Variants in DCP1B observed in about 807,000 individuals in gnomAD.
DCP1B encodes decapping mRNA 1B.
A neutral mutation model predicts 60.5 loss-of-function variants in DCP1B; 47 were observed. That is an observed-to-expected ratio of 0.78 (90% CI 0.61 to 0.99). DCP1B has a LOEUF of 0.99. Among genes scored for constraint, DCP1B ranks in the 50% least tolerant of loss-of-function variants. The pLI is 0.00. For missense variants in DCP1B, 725 were observed against 756.8 expected (o/e 0.96, Z 0.49); for synonymous variants, 267 against 280.3 (o/e 0.95, Z 0.47).
At position 1,996,652 on chromosome 12, in the gene DCP1B, A is replaced by C. The variant is rs558224984; in HGVS notation, c.191+1283T>G. On this transcript the variant is annotated intron_variant, in intron 2 of 8. Transcript: ENST00000280665. ...AAAAAAAAAAAAAAAAAAAAAAAAA[A>C]AAACAACAAACTCTTCTAATGTTTT... Among the ~76,000 whole-genome samples, 13 of 38,932 alleles carry C rather than the reference A, an allele frequency of 3.3e-4. 1 individual carries two copies. The highest frequency in any genetic ancestry group is 1.9e-3 in the African/African-American group (12 of 6,372). The allele number at this position is 38,932 out of a possible 152,430, so 25.5% of individuals were successfully genotyped here.
At chr12:1,991,212 A>G (rs1397705083) in intron 3 of DCP1B, 5 of 456,050 alleles carry the variant, frequency 1.1e-5, no homozygotes, top group Non-Finnish European at 2.2e-5. Flanking sequence ...GTTTTTACAC[A>G]GTCTGCCTCC....
Position 1,952,426 on chromosome 12 carries a change from G to C in DCP1B, c.1514C>G (p.Pro505Arg). The C allele has an allele frequency of 6.3e-7, 1 of 1,580,242 alleles. No homozygotes were observed. The highest frequency in any genetic ancestry group is 1.1e-5 in the South Asian group (1 of 87,774). The change falls in exon 7 of 9, where the codon CCT (proline) becomes CGT (arginine). Residue 505 changes from proline to arginine, a missense_variant. Coordinates refer to ENST00000280665, the MANE Select transcript of DCP1B (RefSeq NM_152640.5). ...CTGGTACATATTTACCTGGAAAAGAGGAGTCTGCTGTTCTGTGTTGGGTGT... is the reference window on the plus strand; with the variant it reads ...CTGGTACATATTTACCTGGAAAAGACGAGTCTGCTGTTCTGTGTTGGGTGT... ...NKTPNTEQQT[P>R]LFQVISPQRI...
chr12:1,997,310 C>T (rs745609171), intron 2 of DCP1B, among the ~76,000 whole-genome samples: 7 of 152,130 alleles, frequency 4.6e-5, no homozygotes, highest in Middle Eastern at 3.2e-3. Flanking sequence ...GGGTGGATCA[C>T]GAGGTCAGGA....
intron 5 of DCP1B, among the ~76,000 whole-genome samples, chr12:1,964,492 T>C (rs947434837): frequency 1.3e-5 from 2 of 152,212 alleles, no homozygotes; most frequent in African/African-American, 4.8e-5. Context: ...AATTGAAAGA[T>C]TTCTCTTTTC....
intron 5 of DCP1B, among the ~76,000 whole-genome samples, chr12:1,963,554 A>G (rs1161098686): frequency 6.6e-6 from 1 of 152,210 alleles, no homozygotes; most frequent in Non-Finnish European, 1.5e-5. Context: ...TCTCTTTCTC[A>G]TTACCAGGAA....
intron 7 of DCP1B, 28 bp from the exon 8 acceptor site, chr12:1,949,362 C>G (rs750093331): frequency 6.2e-7 from 1 of 1,607,328 alleles, no homozygotes; most frequent in Non-Finnish European, 8.5e-7. Context: ...ACACAGAGAG[C>G]GGGGTTCAGG....
intron 8 of DCP1B, among the ~76,000 whole-genome samples, chr12:1,946,629 T>C (rs772699357): frequency 1.3e-5 from 2 of 152,174 alleles, no homozygotes; most frequent in Non-Finnish European, 2.9e-5. Flanking sequence ...ACAGAGGAGT[T>C]AGGAGGACAT....
rs2030842956 is a variant in DCP1B, at chr12:1,955,309, T to C, written c.651+123A>G. The C allele has an allele frequency of 2.5e-6, 3 of 1,182,446 alleles. No individual in the cohort carries two copies. The East Asian group carries it at 7.7e-5, about 30-fold the overall frequency. 73.2% of individuals were successfully genotyped at this position (1,182,446 alleles called of 1,614,324 possible). A position where few individuals can be genotyped will look rare whatever the true frequency, so the allele number is the denominator to read the frequency against. ...AAAAATCTGTATTCTGAAATCCCGC[T>C]TTCTTGGGTTTACCTGAAAGCATTC... On this transcript the variant is annotated intron_variant, in intron 6 of 8. Coordinates refer to ENST00000280665, the MANE Select transcript of DCP1B (RefSeq NM_152640.5).
chr12:1,942,354 G>A (rs1032228660), downstream of DCP1B, among the ~76,000 whole-genome samples: 4 of 152,010 alleles, frequency 2.6e-5, no homozygotes, highest in Non-Finnish European at 4.4e-5. Flanking sequence ...AGACTTTAAC[G>A]CCCCTCTGTC....
Position 1,952,736 on chromosome 12 carries a change from G to A in DCP1B, c.1204C>T (p.Gln402Ter), listed in dbSNP as rs756414561. 4 of 1,614,192 alleles carry A rather than the reference G, an allele frequency of 2.5e-6. No individual in the cohort carries two copies. Among genetic ancestry groups the A allele is most frequent in the Non-Finnish European group, 2.5e-6 (3 of 1,180,026 alleles). ...TPVAPGKGLAQPPQAYFNGSL... is the reference protein window; with the variant it reads ...TPVAPGKGLA ...CCATTGAAATAGGCCTGTGGTGGCT[G>A]AGCCAGACCCTTTCCTGGAGCCACA... is the stretch of plus-strand genomic sequence containing the variant. The change falls in exon 7 of 9, where the codon CAG (glutamine) becomes TAG (stop). Residue 402 changes from glutamine (Q) to a stop codon, truncating the protein, a stop_gained. Transcript: ENST00000280665. LOFTEE classifies it high-confidence loss of function.
chr12:1,958,569 G>A (rs1422909801), intron 5 of DCP1B, among the ~76,000 whole-genome samples: 3 of 147,564 alleles, frequency 2.0e-5, no homozygotes, highest in African/African-American at 7.6e-5. Context: ...GAAGAAGACA[G>A]GGGAAAAGCT....
chr12:1,979,338 G>A (rs974662552), intron 3 of DCP1B, among the ~76,000 whole-genome samples: 7 of 151,974 alleles, frequency 4.6e-5, no homozygotes, highest in South Asian at 2.1e-4. Context: ...TCTTTGAGAC[G>A]GAGTCTGGCT....
chr12:1,988,668 C>A (rs1345543759), intron 3 of DCP1B, among the ~76,000 whole-genome samples: 1 of 152,174 alleles, frequency 6.6e-6, no homozygotes, highest in African/African-American at 2.4e-5. Context: ...TTCAGGAAAA[C>A]TAGGAGTGTG....
intron 8 of DCP1B, among the ~76,000 whole-genome samples, chr12:1,946,605 T>C (rs1173538856): frequency 1.3e-5 from 2 of 152,214 alleles, no homozygotes; most frequent in African/African-American, 4.8e-5. Flanking sequence ...TGAAAAGACA[T>C]GAAGCCCCAG....
chr12:2,000,514 C>T (rs1379156337), intron 1 of DCP1B, among the ~76,000 whole-genome samples: 3 of 150,408 alleles, frequency 2.0e-5, no homozygotes, highest in Non-Finnish European at 4.4e-5. Flanking sequence ...TTTTAAATTC[C>T]AAGGTCAAAA....
At position 1,948,482 on chromosome 12, in the gene DCP1B, G is replaced by A. The variant is rs562593416; in HGVS notation, c.1773+604C>T. ...TGTAGCACTGAAAATAGGGCCCGGC[G>A]CCAGCTCTGTGGAGTGTTAGCTATT... On this transcript the variant is annotated intron_variant, in intron 8 of 8. Transcript: ENST00000280665. The surrounding 1 kb of genome is among the most constrained non-coding windows in gnomAD (Gnocchi z 4.8). 1.3e-5 allele frequency among the ~76,000 whole-genome samples: 2 copies of A among 152,354 alleles called. No individual in the cohort carries two copies. Among genetic ancestry groups the A allele is most frequent in the South Asian group, 2.1e-4 (1 of 4,824 alleles).
rs1199910860 is a variant in DCP1B at position 1,967,895 on chromosome 12, A to G, written c.335T>C (p.Ile112Thr). Reference sequence around the variant, plus strand: ...GCATTCTTCCTTATCATAAAACCAAATTCCATAGATGGACACTGCAAAAAA... The same window carrying G: ...GCATTCTTCCTTATCATAAAACCAAGTTCCATAGATGGACACTGCAAAAAA... Reference protein sequence around the residue: ...YRNARLSIYGIWFYDKEECQR... With the variant: ...YRNARLSIYGTWFYDKEECQR... The change falls in exon 4 of 9, where the codon ATT becomes ACT. Residue 112 changes from isoleucine to threonine, a missense_variant. Ile to Thr is a moderately conservative substitution (Grantham distance 89). Coordinates refer to ENST00000280665, the MANE Select transcript of DCP1B (RefSeq NM_152640.5). The G allele has an allele frequency of 6.2e-7, 1 of 1,613,160 alleles. No homozygotes were observed. Among genetic ancestry groups the G allele is most frequent in the East Asian group, 2.2e-5 (1 of 44,764 alleles).
At chr12:2,000,211 T>C (rs530041888) in intron 1 of DCP1B, among the ~76,000 whole-genome samples, 1 of 152,324 alleles carries the variant, frequency 6.6e-6, no homozygotes, top group Admixed American at 6.5e-5. Flanking sequence ...TAGAAAGTAT[T>C]TGGTATTATC....
intron 1 of DCP1B, among the ~76,000 whole-genome samples, chr12:2,000,978 A>T (rs1565884513): frequency 6.6e-6 from 1 of 151,838 alleles, no homozygotes; most frequent in Non-Finnish European, 1.5e-5. Context: ...CAGAGGTTGC[A>T]GTGAGCCATG....
Sources: allele counts gnomAD v4.1 joint callset (sites outside exome capture counted in the v4.1 genomes callset), GRCh38; gene constraint gnomAD v4.1.1; non-coding constraint Gnocchi (gnomAD v3.1); transcripts MANE v1.5; gene names NCBI Gene and HGNC (gene_info 2026-07-23, HGNC 2026-07-21).